Variants in SOX5 observed in about 807,000 individuals in gnomAD.
The protein encoded by SOX5 is transcription factor SOX-5.
Under a neutral mutation model 92.0 loss-of-function variants are expected in SOX5, and 9 were observed. The observed-to-expected ratio is 0.10, with a 90% CI of 0.06 to 0.17. The LOEUF (loss-of-function observed/expected upper bound fraction) is 0.17, where lower values mean the gene tolerates loss of function less well. SOX5 is among the 10% of genes least tolerant of loss of function. SOX5 has a pLI of 1.00. For synonymous variants in SOX5, 344 were observed against 336.3 expected (o/e 1.02, Z -0.25); for missense variants, 642 against 944.5 (o/e 0.68, Z 4.20).
intron 1 of SOX5, among the ~76,000 whole-genome samples, chr12:24,370,550 G>C (rs1956631788): frequency 6.6e-6 from 1 of 151,876 alleles, no homozygotes; most frequent in Non-Finnish European, 1.5e-5. Context: ...CCGGCACTTT[G>C]GGAGGCGAAA....
intron 3 of SOX5, among the ~76,000 whole-genome samples, chr12:24,253,643 A>G (rs1042043709): frequency 1.3e-5 from 2 of 152,216 alleles, no homozygotes; most frequent in Non-Finnish European, 2.9e-5. Context: ...GCTATCATGC[A>G]GAAGGAATGT....
At chr12:24,062,520 T>A (rs1425528366) in intron 4 of SOX5, among the ~76,000 whole-genome samples, 1 of 152,194 alleles carries the variant, frequency 6.6e-6, no homozygotes, top group Non-Finnish European at 1.5e-5. Context: ...TCAAGCCAAC[T>A]GAGACTCAGA....
intron 7 of SOX5, among the ~76,000 whole-genome samples, chr12:23,654,290 T>A (rs140523163): frequency 2.1e-3 from 316 of 152,206 alleles, no homozygotes; most frequent in African/African-American, 7.1e-3. Context: ...TATTCCATAA[T>A]TTATCTCTTG....
intron 13 of SOX5, among the ~76,000 whole-genome samples, chr12:23,542,046 G>T (rs916257732): frequency 4.6e-5 from 7 of 151,808 alleles, no homozygotes; most frequent in African/African-American, 1.7e-4. Flanking sequence ...GGAGGCGGAG[G>T]TTGCAGTGAG....
intron 2 of SOX5, among the ~76,000 whole-genome samples, chr12:23,863,461 C>T (rs1289507756): frequency 1.3e-5 from 2 of 152,088 alleles, no homozygotes; most frequent in Non-Finnish European, 2.9e-5. Context: ...AGTTAAATAA[C>T]AAACAATTTC....
At chr12:23,739,511 A>G (rs1369023455) in intron 5 of SOX5, among the ~76,000 whole-genome samples, 2 of 152,188 alleles carry the variant, frequency 1.3e-5, no homozygotes, top group African/African-American at 4.8e-5. Flanking sequence ...CTGTTCCCCA[A>G]GACCTCTTAA....
intron 4 of SOX5, among the ~76,000 whole-genome samples, chr12:24,133,254 C>A (rs980770612): frequency 6.6e-6 from 1 of 152,140 alleles, no homozygotes; most frequent in East Asian, 1.9e-4. Context: ...AAGAGTCATG[C>A]GAACAGCTTT....
chr12:23,720,074 C>CA (rs1361761103), intron 6 of SOX5, among the ~76,000 whole-genome samples: 3 of 152,080 alleles, frequency 2.0e-5, no homozygotes, highest in African/African-American at 4.8e-5. Flanking sequence ...TTGTTAATCA[C>CA]AAAAAAGACT....
chr12:24,096,306 A>G (rs749834148), intron 4 of SOX5, among the ~76,000 whole-genome samples: 4 of 152,190 alleles, frequency 2.6e-5, no homozygotes, highest in Non-Finnish European at 5.9e-5. Context: ...TAAAATACAC[A>G]CAACATAGAA....
intron 1 of SOX5, among the ~76,000 whole-genome samples, chr12:24,495,252 G>C (rs1949682203): frequency 1.3e-5 from 2 of 152,292 alleles, no homozygotes; most frequent in South Asian, 4.1e-4. Context: ...CTGCAGCACA[G>C]TATGGACCAA....
At chr12:24,057,418 A>G (rs1307752164) in intron 4 of SOX5, among the ~76,000 whole-genome samples, 1 of 152,174 alleles carries the variant, frequency 6.6e-6, no homozygotes, top group Non-Finnish European at 1.5e-5. Flanking sequence ...CCCTCTTTAC[A>G]TGCTAGCAAG....
At chr12:23,776,135 CA>C (rs1258128471) in intron 3 of SOX5, among the ~76,000 whole-genome samples, 3 of 152,148 alleles carry the variant, frequency 2.0e-5, no homozygotes, top group Non-Finnish European at 4.4e-5. Flanking sequence ...AATTCAAGCA[CA>C]AAAAACTTTC....
At chr12:23,789,355 T>C (rs1052450498) in intron 3 of SOX5, among the ~76,000 whole-genome samples, 4 of 152,066 alleles carry the variant, frequency 2.6e-5, no homozygotes, top group Non-Finnish European at 4.4e-5. Context: ...GAACATGCGT[T>C]TTTTTCCCAT....
chr12:24,034,673 T>G (rs1490584121), intron 4 of SOX5, among the ~76,000 whole-genome samples: 1 of 151,860 alleles, frequency 6.6e-6, no homozygotes, highest in African/African-American at 2.4e-5. Context: ...CAACAGTACT[T>G]CTATGATCCT....
intron 4 of SOX5, among the ~76,000 whole-genome samples, chr12:24,136,403 AAAG>A (rs1393365261): frequency 6.6e-6 from 1 of 152,252 alleles, no homozygotes; most frequent in Non-Finnish European, 1.5e-5. Context: ...GTTTTCAGAC[AAAG>A]AAGGACAGTA....
chr12:24,411,834 G>A (rs1015136628), intron 1 of SOX5, among the ~76,000 whole-genome samples: 5 of 151,972 alleles, frequency 3.3e-5, no homozygotes, highest in African/African-American at 4.8e-5. Flanking sequence ...TGGCTTTCTG[G>A]GGGAGATTGT....
chr12:24,358,240 T>C (rs139392721), intron 2 of SOX5, among the ~76,000 whole-genome samples: 10 of 152,346 alleles, frequency 6.6e-5, no homozygotes, highest in African/African-American at 2.2e-4. Context: ...TAATTATAGA[T>C]ACTACATTTA....
At chr12:24,403,740 A>C (rs557278934) in intron 1 of SOX5, among the ~76,000 whole-genome samples, 15 of 152,320 alleles carry the variant, frequency 9.8e-5, no homozygotes, top group African/African-American at 2.6e-4. Context: ...AATAAATATC[A>C]TTAGTGCAGC....
chr12:24,073,361 TA>T (rs1313872378), intron 4 of SOX5, among the ~76,000 whole-genome samples: 1 of 152,200 alleles, frequency 6.6e-6, no homozygotes, highest in African/African-American at 2.4e-5. Flanking sequence ...CACATGCTTC[TA>T]AAAATTTAAG....
Sources: allele counts gnomAD v4.1 joint callset (sites outside exome capture counted in the v4.1 genomes callset), GRCh38; gene constraint gnomAD v4.1.1; transcripts MANE v1.5; gene names NCBI Gene and HGNC (gene_info 2026-07-23, HGNC 2026-07-21).